Variants in CLIC6 observed in about 807,000 individuals in gnomAD.
CLIC6 encodes CLIC family member 6.
CLIC6 carries 39 observed loss-of-function variants against 49.2 expected under a neutral mutation model. The ratio of observed to expected loss-of-function variants is 0.79; its 90% CI spans 0.61 to 1.04. The LOEUF (loss-of-function observed/expected upper bound fraction) is 1.04. Ranked by LOEUF, CLIC6 falls within the 50% of genes least tolerant of loss-of-function variation. The pLI is 0.00. For synonymous variants in CLIC6, 446 were observed against 433.4 expected (o/e 1.03, Z -0.36); for missense variants, 988 against 993.1 (o/e 0.99, Z 0.07).
intron 1 of CLIC6, among the ~76,000 whole-genome samples, chr21:34,689,900 A>G (rs1315090735): frequency 6.6e-6 from 1 of 152,164 alleles, no homozygotes; most frequent in Non-Finnish European, 1.5e-5. Flanking sequence ...GCGTGAAATT[A>G]TGCTTCTTGC....
In CLIC6 at chr21:34,716,823, G is replaced by C; in HGVS notation, c.*341G>C. On this transcript the variant is annotated 3_prime_UTR_variant, in exon 6 of 6. Transcript: ENST00000349499. ...CTGGAGAACATGTTCCAAATCTTCA[G>C]TATCTTGTTCTCTCTCTCTCTCTCT... 7.1e-6 allele frequency: 1 copy of C among 141,544 alleles called. No individual in the cohort carries two copies. The highest frequency in any genetic ancestry group is 1.4e-5 in the Non-Finnish European group (1 of 73,198). The allele number at this position is 141,544 out of a possible 1,614,324, so 8.8% of individuals were successfully genotyped here.
intron 1 of CLIC6, among the ~76,000 whole-genome samples, chr21:34,676,588 A>G (rs556651554): frequency 6.6e-6 from 1 of 152,354 alleles, no homozygotes; most frequent in South Asian, 2.1e-4. Flanking sequence ...CATAACAGCC[A>G]GCCAGTTAAT....
rs116910126 is a variant in CLIC6, at chr21:34,692,871, G to C, written c.1375-14409G>C. 4.1e-3 allele frequency among the ~76,000 whole-genome samples: 623 copies of C among 152,342 alleles called. 18 individuals carry two copies. The East Asian group carries it at 0.068, about 17-fold the overall frequency. ...AGAGCTGGGGAATTCTGAACCAGTT[G>C]AGAAAGCTGAGTCTGAACACTTTTA... On this transcript the variant is annotated intron_variant, in intron 1 of 5. Transcript: ENST00000349499.
chr21:34,697,795 T>C (rs1309395886), intron 1 of CLIC6, among the ~76,000 whole-genome samples: 1 of 152,114 alleles, frequency 6.6e-6, no homozygotes, highest in Non-Finnish European at 1.5e-5. Context: ...TGGGGAGACA[T>C]TTGGGGATAG....
intron 1 of CLIC6, among the ~76,000 whole-genome samples, chr21:34,688,538 G>GT (rs1228656728): frequency 6.6e-6 from 1 of 152,236 alleles, no homozygotes; most frequent in African/African-American, 2.4e-5. Context: ...CCCTTTCATT[G>GT]TACGATGGCT....
chr21:34,692,161 C>CCACCTCTGAGAAGGTGT lies in CLIC6; in HGVS notation c.1375-15114_1375-15098dup, dbSNP rs533598025. Among the ~76,000 whole-genome samples the CCACCTCTGAGAAGGTGT allele has an allele frequency of 1.1e-3, 173 of 152,326 alleles. 2 individuals carry two copies. The South Asian group carries it at 0.014, about 12-fold the overall frequency. ...TCATTTAGCTTTGCCACTTCTTCAG[C>CCACCTCTGAGAAGGTGT]CACCTCTGAGAAGGTGTCACCGTTG... On this transcript the variant is annotated intron_variant, in intron 1 of 5. Transcript: ENST00000349499.
Position 34,716,862 on chromosome 21 carries a change from T to TCTCTCTCTCTCTCTCTCTCACACA in CLIC6, c.*381_*382insTCTCTCTCTCTCTCTCTCACACAC. 7 of 131,634 alleles carry TCTCTCTCTCTCTCTCTCTCACACA rather than the reference T, an allele frequency of 5.3e-5. No individual in the cohort carries two copies. Among genetic ancestry groups the TCTCTCTCTCTCTCTCTCTCACACA allele is most frequent in the African/African-American group, 1.9e-4 (6 of 31,214 alleles). The allele number at this position is 131,634 out of a possible 1,614,324, so 8.2% of individuals were successfully genotyped here. ...CTCTCTCTCTCTCTCTCTCTCTCTA[T>TCTCTCTCTCTCTCTCTCTCACACA]CACACACACACACACACACACACAC... On this transcript the variant is annotated 3_prime_UTR_variant, in exon 6 of 6. Transcript: ENST00000349499.
chr21:34,682,244 A>C (rs567749475), intron 1 of CLIC6, among the ~76,000 whole-genome samples: 4 of 152,314 alleles, frequency 2.6e-5, no homozygotes, highest in African/African-American at 9.6e-5. Context: ...TTCCTCTTCA[A>C]AGAGGTGATA....
intron 1 of CLIC6, among the ~76,000 whole-genome samples, chr21:34,673,439 G>A (rs1433353222): frequency 4.0e-5 from 6 of 151,824 alleles, no homozygotes; most frequent in Non-Finnish European, 8.8e-5. Context: ...ACAGGCATGC[G>A]CCACCACGTC....
intron 1 of CLIC6, among the ~76,000 whole-genome samples, chr21:34,697,659 A>G (rs922853996): frequency 6.6e-6 from 1 of 152,190 alleles, no homozygotes; most frequent in Admixed American, 6.5e-5. Flanking sequence ...CTTGCCCAGG[A>G]CTTAGGGGGA....
At chr21:34,679,699 A>G (rs950847636) in intron 1 of CLIC6, among the ~76,000 whole-genome samples, 3 of 152,242 alleles carry the variant, frequency 2.0e-5, no homozygotes, top group Admixed American at 1.3e-4. Context: ...GAAGTTGGCC[A>G]AAACAGAGGG....
chr21:34,708,060 C>T lies in CLIC6; in HGVS notation c.1601C>T (p.Ala534Val). 2 of 1,614,116 alleles carry T rather than the reference C, an allele frequency of 1.2e-6. No homozygotes were observed. The highest frequency in any genetic ancestry group is 1.7e-6 in the Non-Finnish European group (2 of 1,179,982). The change falls in exon 3 of 6, where the codon GCT (alanine) becomes GTT (valine). Residue 534 changes from alanine (A) to valine (V), a missense_variant. By Grantham distance (64) the Ala-to-Val change is moderately conservative. Around this residue, in one of 3 missense-constraint regions of CLIC6, gnomAD observed 647 missense variants for 596.9 expected, o/e 1.08. Transcript: ENST00000349499. ...GAGGAGTTCTTAGAGGAGAAATTAGCTCCCCCGAGGTAGGCCTCAGAAAAC... is the reference window on the plus strand; with the variant it reads ...GAGGAGTTCTTAGAGGAGAAATTAGTTCCCCCGAGGTAGGCCTCAGAAAAC... ...KIEEFLEEKL[A>V]PPRYPKLGTQ...
chr21:34,705,399 G>C (rs1486584252), intron 1 of CLIC6, among the ~76,000 whole-genome samples: 2 of 152,178 alleles, frequency 1.3e-5, no homozygotes, highest in Non-Finnish European at 2.9e-5. Flanking sequence ...GGACCCCAAG[G>C]TGGGGAACAG....
At chr21:34,706,930 T>C (rs954787795) in intron 1 of CLIC6, among the ~76,000 whole-genome samples, 2 of 152,246 alleles carry the variant, frequency 1.3e-5, no homozygotes, top group Non-Finnish European at 2.9e-5. Context: ...GGCGTGTCTT[T>C]CTTTTTCACA....
chr21:34,669,961 C>T lies in CLIC6; in HGVS notation c.573C>T (p.Asp191=). ...AGGGCCGGGTGGGGGACAGCGTAGACGCGGAAGGTCCGGCGGGGGACAGCG... is the reference window on the plus strand; with the variant it reads ...AGGGCCGGGTGGGGGACAGCGTAGATGCGGAAGGTCCGGCGGGGGACAGCG... ...EAEGRVGDSV[D]AEGPAGDSVD... The change falls in exon 1 of 6, where the codon GAC becomes GAT. Residue 191 remains aspartate (D), a synonymous_variant. Transcript: ENST00000349499. 7.3e-7 allele frequency: 1 copy of T among 1,363,404 alleles called. No individual in the cohort carries two copies. The highest frequency in any genetic ancestry group is 9.4e-7 in the Non-Finnish European group (1 of 1,068,006). 84.5% of individuals were successfully genotyped at this position (1,363,404 alleles called of 1,614,324 possible). A position where few individuals can be genotyped will look rare whatever the true frequency, so the allele number is the denominator to read the frequency against.
chr21:34,680,970 C>T lies in CLIC6; in HGVS notation c.1374+10208C>T, dbSNP rs1021983307. 2.0e-5 allele frequency among the ~76,000 whole-genome samples: 3 copies of T among 152,210 alleles called. No homozygotes were observed. In the East Asian group the frequency reaches 5.8e-4, roughly 29 times the overall value. On this transcript the variant is annotated intron_variant, in intron 1 of 5. Transcript: ENST00000349499. The stretch of plus-strand genomic sequence containing the variant: ...ACTGTTCCAACCTCTGTCTGTTTTC[C>T]AGTTCCAAAGTAGCTTTCACATTTT...
At chr21:34,706,823 G>A (rs1359629032) in intron 1 of CLIC6, among the ~76,000 whole-genome samples, 1 of 152,156 alleles carries the variant, frequency 6.6e-6, no homozygotes, top group Non-Finnish European at 1.5e-5. Flanking sequence ...TTCTACTCTT[G>A]ATAGTATCTG....
chr21:34,669,818 A>G lies in CLIC6; in HGVS notation c.430A>G (p.Arg144Gly). 2 of 1,412,132 alleles carry G rather than the reference A, an allele frequency of 1.4e-6. No individual in the cohort carries two copies. The highest frequency in any genetic ancestry group is 3.1e-5 in the Admixed American group (1 of 32,228). The allele number at this position is 1,412,132 out of a possible 1,614,324, so 87.5% of individuals were successfully genotyped here. ...CGAGAGGCAGGAGGAGGCGGAGCAG[A>G]GGCCTGAGGTCCCGGAAGGTAGCGC... is the stretch of plus-strand genomic sequence containing the variant. ...APERQEEAEQ[R>G]PEVPEGSASG... is the part of the protein sequence containing the mutation. Residue 144 changes from arginine (R) to glycine (G), a missense_variant, in exon 1 of 6, where the codon AGG becomes GGG. Arg to Gly is a moderately radical substitution (Grantham distance 125). Around this residue, in one of 3 missense-constraint regions of CLIC6, gnomAD observed 284 missense variants for 278.6 expected, o/e 1.02. Transcript: ENST00000349499.
chr21:34,673,560 G>A (rs1989609448), intron 1 of CLIC6, among the ~76,000 whole-genome samples: 1 of 152,122 alleles, frequency 6.6e-6, no homozygotes, highest in South Asian at 2.1e-4. Context: ...CAAAGTGCTG[G>A]GATTACAGGC....
Sources: allele counts gnomAD v4.1 joint callset (sites outside exome capture counted in the v4.1 genomes callset), GRCh38; gene constraint gnomAD v4.1.1; regional missense constraint gnomAD v4.1.1; transcripts MANE v1.5; gene names NCBI Gene and HGNC (gene_info 2026-07-23, HGNC 2026-07-21).